Variants in GPC5 observed in about 807,000 individuals in gnomAD.
The protein encoded by GPC5 is glypican 5.
A neutral mutation model predicts 53.9 loss-of-function variants in GPC5; 47 were observed. The observed-to-expected ratio is 0.87, with a 90% CI of 0.69 to 1.11. The LOEUF (loss-of-function observed/expected upper bound fraction) is 1.11. Ranked by LOEUF, GPC5 falls within the 50% of genes most tolerant of loss-of-function variation. GPC5 has a pLI of 0.00. For missense variants in GPC5, 748 were observed against 713.1 expected, an observed-to-expected ratio of 1.05 and a Z score of -0.56; for synonymous variants, 286 against 263.3, an observed-to-expected ratio of 1.09 and a Z score of -0.84.
intron 1 of GPC5, among the ~76,000 whole-genome samples, chr13:91,447,947 T>G (rs1466443887): frequency 6.6e-6 from 1 of 152,164 alleles, no homozygotes; most frequent in Admixed American, 6.6e-5. Flanking sequence ...CTCTTTGTGC[T>G]CCACATCTTT....
intron 6 of GPC5, among the ~76,000 whole-genome samples, chr13:92,054,449 T>C (rs1386960266): frequency 6.6e-6 from 1 of 152,196 alleles, no homozygotes; most frequent in Non-Finnish European, 1.5e-5. Flanking sequence ...GAAATTGTTC[T>C]GAGTATTTTA....
chr13:91,765,169 C>A (rs1279637523), intron 5 of GPC5, among the ~76,000 whole-genome samples: 2 of 152,244 alleles, frequency 1.3e-5, no homozygotes, highest in Non-Finnish European at 2.9e-5. Flanking sequence ...CTTCCATTTG[C>A]GTAGGCATAG....
intron 7 of GPC5, among the ~76,000 whole-genome samples, chr13:92,652,099 T>C (rs1040790781): frequency 5.9e-5 from 9 of 152,118 alleles, no homozygotes; most frequent in African/African-American, 2.2e-4. Context: ...TTATAGGAAA[T>C]GGGGTAAATG....
rs58277984 is a variant in GPC5, at chr13:92,646,966, GTA to G, written c.1562-219311_1562-219310del. Among the ~76,000 whole-genome samples the G allele has an allele frequency of 9.2e-3, 1,342 of 145,952 alleles. 61 individuals carry two copies. Among genetic ancestry groups the G allele is most frequent in the Admixed American group, 0.076 (1,121 of 14,830 alleles). On this transcript the variant is annotated intron_variant, in intron 7 of 7. Coordinates refer to ENST00000377067, the MANE Select transcript of GPC5 (RefSeq NM_004466.6). ...TGTGTGTGTGTGTGTGTGTGTGTGTGTATATAAACCTGGCATTCTATGACCTT... is the reference window on the plus strand; with the variant it reads ...TGTGTGTGTGTGTGTGTGTGTGTGTGTATAAACCTGGCATTCTATGACCTT...
At position 91,558,807 on chromosome 13, in the gene GPC5, G is replaced by A. The variant is rs191521142; in HGVS notation, c.325+109885G>A. 5.6e-3 allele frequency among the ~76,000 whole-genome samples: 858 copies of A among 152,028 alleles called. 4 individuals carry two copies. The highest frequency in any genetic ancestry group is 8.8e-3 in the Non-Finnish European group (601 of 67,962). On this transcript the variant is annotated intron_variant, in intron 2 of 7. Coordinates refer to ENST00000377067, the MANE Select transcript of GPC5 (RefSeq NM_004466.6). ...CATCATCCATGAAGGTCATGGCTGC[G>A]CCCTCTCCAGTGAGGTCTGGATCTC... is the stretch of plus-strand genomic sequence containing the variant.
intron 7 of GPC5, among the ~76,000 whole-genome samples, chr13:92,818,297 A>G (rs28615185): frequency 1.3e-5 from 2 of 152,048 alleles, no homozygotes; most frequent in East Asian, 3.8e-4. Flanking sequence ...GGCGTGAGCC[A>G]CCGCAACTGG....
At chr13:92,635,722 T>C (rs1885387529) in intron 7 of GPC5, among the ~76,000 whole-genome samples, 1 of 152,234 alleles carries the variant, frequency 6.6e-6, no homozygotes, top group Non-Finnish European at 1.5e-5. Context: ...CAGAAGGCTT[T>C]TGAATACATC....
intron 5 of GPC5, among the ~76,000 whole-genome samples, chr13:91,799,573 C>T (rs1287907351): frequency 6.6e-6 from 1 of 152,090 alleles, no homozygotes; most frequent in East Asian, 1.9e-4. Context: ...TCTCTTCCCC[C>T]TATACTATAA....
intron 2 of GPC5, among the ~76,000 whole-genome samples, chr13:91,683,022 T>C (rs1016744846): frequency 6.6e-6 from 1 of 151,766 alleles, no homozygotes; most frequent in Non-Finnish European, 1.5e-5. Context: ...AATCTTCGAA[T>C]TGTTGCTTAC....
intron 7 of GPC5, among the ~76,000 whole-genome samples, chr13:92,282,291 G>T (rs549649683): frequency 1.3e-5 from 2 of 152,264 alleles, no homozygotes; most frequent in Admixed American, 1.3e-4. Context: ...TGAAAGTGAC[G>T]GGGAGAATGG....
intron 7 of GPC5, among the ~76,000 whole-genome samples, chr13:92,480,339 G>GA (rs1484277609): frequency 3.3e-5 from 5 of 151,918 alleles, no homozygotes; most frequent in Admixed American, 6.6e-5. Context: ...AATGTGCAGG[G>GA]AAAAAAAGTA....
chr13:91,861,457 G>A (rs188521000), intron 5 of GPC5, among the ~76,000 whole-genome samples: 1 of 151,984 alleles, frequency 6.6e-6, no homozygotes, highest in Non-Finnish European at 1.5e-5. Flanking sequence ...TCATAATTAT[G>A]AGATGCCCCC....
At chr13:92,218,573 C>T (rs151021104) in intron 7 of GPC5, among the ~76,000 whole-genome samples, 12 of 152,162 alleles carry the variant, frequency 7.9e-5, no homozygotes, top group Non-Finnish European at 1.2e-4. Flanking sequence ...GTCCCCTCCC[C>T]CTGCTTCACT....
chr13:92,031,858 TATATATATTATATATAAC>T (rs2040852920), intron 6 of GPC5, among the ~76,000 whole-genome samples: 1 of 83,224 alleles, frequency 1.2e-5, no homozygotes, highest in African/African-American at 5.0e-5. Flanking sequence ...TTATATATAA[TATATATATTATATATAAC>T]ATATATTTTA....
At chr13:92,511,785 A>G (rs1880575390) in intron 7 of GPC5, among the ~76,000 whole-genome samples, 1 of 152,136 alleles carries the variant, frequency 6.6e-6, no homozygotes, top group Admixed American at 6.5e-5. Context: ...CAAGGGAGAA[A>G]CTGCAATCAT....
intron 7 of GPC5, among the ~76,000 whole-genome samples, chr13:92,703,559 A>G (rs1887833513): frequency 6.9e-6 from 1 of 145,274 alleles, no homozygotes; most frequent in African/African-American, 2.5e-5. Flanking sequence ...CAGTATAGAA[A>G]AGGGTTAATA....
intron 7 of GPC5, among the ~76,000 whole-genome samples, chr13:92,862,738 C>T (rs1464573244): frequency 1.3e-5 from 2 of 151,990 alleles, no homozygotes; most frequent in African/African-American, 4.8e-5. Context: ...CAGCACAATA[C>T]CTGACACAGA....
At chr13:92,312,559 A>G (rs17430373) in intron 7 of GPC5, among the ~76,000 whole-genome samples, 3,253 of 152,258 alleles carry the variant, frequency 0.021, 52 homozygotes, top group Non-Finnish European at 0.035. Context: ...AATTTAAGTG[A>G]CTGCTTAATA....
chr13:92,781,786 C>T (rs1304486960), intron 7 of GPC5, among the ~76,000 whole-genome samples: 2 of 152,114 alleles, frequency 1.3e-5, no homozygotes, highest in Non-Finnish European at 2.9e-5. Context: ...AAAATATTTG[C>T]AAACAGACTG....
Sources: allele counts gnomAD v4.1 joint callset (sites outside exome capture counted in the v4.1 genomes callset), GRCh38; gene constraint gnomAD v4.1.1; transcripts MANE v1.5; gene names NCBI Gene and HGNC (gene_info 2026-07-23, HGNC 2026-07-21).